The following CCDC69 variants were observed in gnomAD, a reference collection of about 807,000 sequenced individuals.
CCDC69 encodes coiled-coil domain containing 69, also known as coiled-coil domain-containing protein 69.
CCDC69 carries 38 observed loss-of-function variants against 40.3 expected under a neutral mutation model. That is an observed-to-expected ratio of 0.94 (90% CI 0.73 to 1.24). The LOEUF is 1.24. Ranked by LOEUF, CCDC69 falls within the 50% of genes most tolerant of loss-of-function variation. CCDC69 has a pLI of 0.00. For missense variants in CCDC69, 389 were observed against 357.9 expected, an observed-to-expected ratio of 1.09 and a Z score of -0.70; for synonymous variants, 141 against 138.9, an observed-to-expected ratio of 1.02 and a Z score of -0.11.
chr5:151,207,508 G>A (rs1179724869), intron 1 of CCDC69, among the ~76,000 whole-genome samples: 4 of 149,100 alleles, frequency 2.7e-5, no homozygotes, highest in Non-Finnish European at 1.5e-5. Flanking sequence ...GGCCAGGATG[G>A]TCTCGATCTC....
chr5:151,214,216 C>T (rs1016957817), intron 1 of CCDC69, among the ~76,000 whole-genome samples: 4 of 152,202 alleles, frequency 2.6e-5, no homozygotes, highest in Admixed American at 2.0e-4. Context: ...TCACACCCTC[C>T]TCAATATCAG....
chr5:151,189,300 C>T (rs388606), intron 4 of CCDC69, among the ~76,000 whole-genome samples: 52,908 of 151,522 alleles, frequency 0.35, 9,296 homozygotes, highest in African/African-American at 0.39. Flanking sequence ...TTAAGAAGAA[C>T]CAAAAGGAAA....
At chr5:151,184,843 G>A (rs248431) in intron 7 of CCDC69, 70,846 of 165,050 alleles carry the variant, frequency 0.43, 15,638 homozygotes, top group Non-Finnish European at 0.47. Context: ...AAGCCCTGTG[G>A]GTGATTCCAT....
At chr5:151,189,290 T>C (rs1752569896) in intron 4 of CCDC69, among the ~76,000 whole-genome samples, 1 of 151,952 alleles carries the variant, frequency 6.6e-6, no homozygotes, top group Admixed American at 6.6e-5. Context: ...AATAGAGTTA[T>C]TAAGAAGAAC....
rs143914364 is a variant in CCDC69 at position 151,182,647 on chromosome 5, A to G, written c.*790T>C. ...GCTCTGATAGATGAATGGACTCACA[A>G]CCACCAAGCTTGCCCCTGTGCCCAG... On this transcript the variant is annotated 3_prime_UTR_variant, in exon 9 of 9. Coordinates refer to ENST00000355417, the MANE Select transcript of CCDC69 (RefSeq NM_015621.3). 5.8e-5 allele frequency: 14 copies of G among 240,074 alleles called. No homozygotes were observed. In the East Asian group the frequency reaches 1.5e-3, roughly 25 times the overall value. 14.9% of individuals were successfully genotyped at this position (240,074 alleles called of 1,614,324 possible).
intron 4 of CCDC69, among the ~76,000 whole-genome samples, chr5:151,192,120 T>TA (rs71589732): frequency 0.12 from 7,335 of 62,832 alleles, 276 homozygotes; most frequent in Non-Finnish European, 0.13. Context: ...TGAAAAGAAA[T>TA]AAAAAAAAAA....
At chr5:151,183,969 G>T (rs1434893846) in intron 8 of CCDC69, among the ~76,000 whole-genome samples, 1 of 152,180 alleles carries the variant, frequency 6.6e-6, no homozygotes, top group Non-Finnish European at 1.5e-5. Context: ...GAGAAAATAT[G>T]TACAGTATTC....
intron 1 of CCDC69, chr5:151,212,905 G>C (rs926006336): frequency 1.3e-5 from 6 of 456,068 alleles, no homozygotes; most frequent in Admixed American, 2.3e-5. Flanking sequence ...CTGCCTCATT[G>C]GAGGGTGGGG....
chr5:151,183,303 C>T lies in CCDC69; in HGVS notation c.*134G>A. 2.0e-6 allele frequency: 2 copies of T among 1,024,020 alleles called. No individual in the cohort carries two copies. The highest frequency in any genetic ancestry group is 3.0e-6 in the Non-Finnish European group (2 of 667,104). The allele number at this position is 1,024,020 out of a possible 1,614,324, so 63.4% of individuals were successfully genotyped here. On this transcript the variant is annotated 3_prime_UTR_variant, in exon 9 of 9. Transcript: ENST00000355417. ...AAGGCCCCAGGGCTCACTGGGCACA[C>T]ACCCAGGATCTCCATCTCGCTCCCA...
At chr5:151,188,798 T>G (rs1752564313) in intron 4 of CCDC69, among the ~76,000 whole-genome samples, 1 of 152,156 alleles carries the variant, frequency 6.6e-6, no homozygotes, top group African/African-American at 2.4e-5. Flanking sequence ...TGGTTTCAGG[T>G]AAGATGAAGG....
In CCDC69 at chr5:151,200,451, C is replaced by A. The variant is rs543572499; in HGVS notation, c.231+1131G>T. 1.1e-3 allele frequency among the ~76,000 whole-genome samples: 162 copies of A among 152,270 alleles called. 1 individual carries two copies. The highest frequency in any genetic ancestry group is 3.8e-3 in the African/African-American group (159 of 41,548). On this transcript the variant is annotated intron_variant, in intron 3 of 8. Coordinates refer to ENST00000355417, the MANE Select transcript of CCDC69 (RefSeq NM_015621.3). ...GCCCAGATCTATCTTAAAGCAGTGA[C>A]TTTAAATTTCAGAATTTTGAATATT...
chr5:151,219,937 G>T (rs1753111383), intron 1 of CCDC69, among the ~76,000 whole-genome samples: 1 of 151,616 alleles, frequency 6.6e-6, no homozygotes, highest in Non-Finnish European at 1.5e-5. Context: ...CCTTTTTTTG[G>T]CCACTTATTC....
intron 4 of CCDC69, among the ~76,000 whole-genome samples, chr5:151,192,684 T>C (rs1379835327): frequency 6.6e-6 from 1 of 152,214 alleles, no homozygotes; most frequent in Admixed American, 6.5e-5. Context: ...TTTATCCTGA[T>C]ACTAAAACCA....
intron 1 of CCDC69, among the ~76,000 whole-genome samples, chr5:151,205,984 C>T (rs1447876087): frequency 1.3e-5 from 2 of 152,160 alleles, no homozygotes; most frequent in African/African-American, 2.4e-5. Context: ...GGGGCTCTCC[C>T]CATCAGTGCT....
chr5:151,223,771 A>G (rs546791531), intron 1 of CCDC69, 152 bp downstream of exon 1: 415 of 662,400 alleles, frequency 6.3e-4, no homozygotes, highest in Non-Finnish European at 5.7e-5. Context: ...CTCCCAGCAG[A>G]GCCTCCCTCG....
chr5:151,210,130 CT>C (rs1176289681), intron 1 of CCDC69, among the ~76,000 whole-genome samples: 3 of 152,204 alleles, frequency 2.0e-5, no homozygotes, highest in Non-Finnish European at 2.9e-5. Context: ...ATTAACTATT[CT>C]GCAAATGTGT....
intron 1 of CCDC69, 89 bp downstream of exon 1, chr5:151,223,834 G>C: frequency 4.4e-6 from 6 of 1,353,992 alleles, no homozygotes; most frequent in Non-Finnish European, 6.2e-6. Context: ...GCCGACCAGA[G>C]AGAGCCCGGG....
At position 151,183,500 on chromosome 5, in the gene CCDC69, A is replaced by C; in HGVS notation, c.828T>G (p.Asn276Lys). The change falls in exon 9 of 9, where the codon AAT (asparagine) becomes AAG (lysine). Residue 276 changes from asparagine to lysine, a missense_variant. Asn to Lys is a moderately conservative substitution (Grantham distance 94). Transcript: ENST00000355417. Reference protein sequence around the residue: ...EELLYRVLGANASPAFPLAPV... With the variant: ...EELLYRVLGAKASPAFPLAPV... The stretch of plus-strand genomic sequence containing the variant: ...GGGCCAGAGGGAAGGCAGGCGAGGC[A>C]TTGGCCCCAAGGACCCGGTACAACA... 6.2e-7 allele frequency: 1 copy of C among 1,608,002 alleles called. No homozygotes were observed. The highest frequency in any genetic ancestry group is 8.5e-7 in the Non-Finnish European group (1 of 1,178,006).
At chr5:151,194,891 C>CAAAAAAAAAAAAAAA (rs59836328) in intron 4 of CCDC69, among the ~76,000 whole-genome samples, 1 of 92,334 alleles carries the variant, frequency 1.1e-5, no homozygotes, top group African/African-American at 4.4e-5. Flanking sequence ...GCCTCCATCT[C>CAAAAAAAAAAAAAAA]AAAAAAAAAA....
Sources: gnomAD v4.1 joint callset for allele counts (sites outside exome capture counted in the v4.1 genomes callset) on GRCh38, gnomAD v4.1.1 for gene constraint, MANE v1.5 for transcripts, NCBI Gene and HGNC (gene_info 2026-07-23, HGNC 2026-07-21) for gene names.